Variants in ZMAT4 observed in about 807,000 individuals in gnomAD.
ZMAT4 encodes the protein zinc finger matrin-type protein 4.
Under a neutral mutation model 28.7 loss-of-function variants are expected in ZMAT4, and 17 were observed. The ratio of observed to expected loss-of-function variants is 0.59; its 90% CI spans 0.41 to 0.89. The LOEUF is 0.89. Among genes scored for constraint, ZMAT4 ranks in the 40% least tolerant of loss-of-function variants. The pLI is 0.00. For missense variants in ZMAT4, 240 were observed against 283.8 expected, an observed-to-expected ratio of 0.85 and a Z score of 1.11; for synonymous variants, 117 against 109.2, an observed-to-expected ratio of 1.07 and a Z score of -0.44.
intron 3 of ZMAT4, among the ~76,000 whole-genome samples, chr8:40,744,932 C>A (rs1172491598): frequency 1.3e-5 from 2 of 152,150 alleles, no homozygotes; most frequent in East Asian, 3.9e-4. Context: ...GAGGATGGGC[C>A]CAAGTTCAGA....
intron 1 of ZMAT4, among the ~76,000 whole-genome samples, chr8:40,841,132 C>T (rs1446330641): frequency 1.3e-5 from 2 of 152,182 alleles, no homozygotes; most frequent in Admixed American, 6.5e-5. Context: ...CAACGTCATT[C>T]GATCTGCAGC....
chr8:40,565,213 A>G (rs747777997), intron 6 of ZMAT4, among the ~76,000 whole-genome samples: 11 of 152,116 alleles, frequency 7.2e-5, no homozygotes, highest in Non-Finnish European at 1.5e-4. Flanking sequence ...AGGTGTTACA[A>G]AATTCAAATC....
Position 40,778,292 on chromosome 8 carries a change from A to C in ZMAT4, c.103-10562T>G, listed in dbSNP as rs574166868. Among the ~76,000 whole-genome samples, 66 of 152,354 alleles carry C rather than the reference A, an allele frequency of 4.3e-4. 3 individuals carry two copies. Among genetic ancestry groups the C allele is most frequent in the South Asian group, 3.3e-3 (16 of 4,824 alleles). On this transcript the variant is annotated intron_variant, in intron 2 of 6. Transcript: ENST00000297737. ...ATTATTTTCAAAAAATACTTCTAGG[A>C]ATACATAACATTTATAACCTGAAAA...
intron 5 of ZMAT4, among the ~76,000 whole-genome samples, chr8:40,591,188 T>C (rs1203907836): frequency 6.6e-6 from 1 of 152,156 alleles, no homozygotes; most frequent in East Asian, 1.9e-4. Flanking sequence ...AGGTGGCGTC[T>C]AAAACCGCAG....
At chr8:40,745,269 G>A (rs1812169851) in intron 3 of ZMAT4, among the ~76,000 whole-genome samples, 1 of 152,182 alleles carries the variant, frequency 6.6e-6, no homozygotes, top group African/African-American at 2.4e-5. Flanking sequence ...TGGAGAGAAA[G>A]GAAAGATAAG....
intron 1 of ZMAT4, among the ~76,000 whole-genome samples, chr8:40,853,554 T>C (rs902902842): frequency 2.6e-5 from 4 of 152,174 alleles, no homozygotes; most frequent in Non-Finnish European, 5.9e-5. Context: ...AGACTCCGTC[T>C]CAAAAAAATA....
chr8:40,854,076 A>G (rs1417460906), intron 1 of ZMAT4, among the ~76,000 whole-genome samples: 1 of 152,154 alleles, frequency 6.6e-6, no homozygotes, highest in African/African-American at 2.4e-5. Flanking sequence ...GTCTCTTTTT[A>G]ACAAACAGAT....
intron 5 of ZMAT4, among the ~76,000 whole-genome samples, chr8:40,655,131 A>G (rs1398400454): frequency 6.6e-6 from 1 of 151,806 alleles, no homozygotes; most frequent in African/African-American, 2.4e-5. Flanking sequence ...AGGTTGCAAG[A>G]TACAAGATTT....
At chr8:40,832,111 C>T (rs992337235) in intron 1 of ZMAT4, among the ~76,000 whole-genome samples, 22 of 152,156 alleles carry the variant, frequency 1.4e-4, no homozygotes, top group Admixed American at 9.2e-4. Context: ...GGCCTCTGTC[C>T]TCAGCACTGG....
chr8:40,653,594 A>G (rs1035342045), intron 5 of ZMAT4, among the ~76,000 whole-genome samples: 1 of 152,120 alleles, frequency 6.6e-6, no homozygotes, highest in Non-Finnish European at 1.5e-5. Flanking sequence ...CTTACTAATG[A>G]TCTTACAGAA....
intron 6 of ZMAT4, among the ~76,000 whole-genome samples, chr8:40,572,814 A>G (rs1488231654): frequency 6.6e-6 from 1 of 152,184 alleles, no homozygotes; most frequent in East Asian, 1.9e-4. Flanking sequence ...TATGCTGTTT[A>G]CAGCTTTTGC....
At chr8:40,615,089 T>C (rs7831229) in intron 5 of ZMAT4, among the ~76,000 whole-genome samples, 20,612 of 151,990 alleles carry the variant, frequency 0.14, 1,894 homozygotes, top group African/African-American at 0.27. Context: ...ATGTTTAGTG[T>C]TTCCTTCAGG....
intron 1 of ZMAT4, among the ~76,000 whole-genome samples, chr8:40,864,145 T>A (rs1002165806): frequency 6.6e-6 from 1 of 152,216 alleles, no homozygotes; most frequent in Non-Finnish European, 1.5e-5. Context: ...CAGAGGTGGG[T>A]GTTCCCGGGT....
chr8:40,821,771 T>G (rs1291074041), intron 2 of ZMAT4, among the ~76,000 whole-genome samples: 2 of 152,226 alleles, frequency 1.3e-5, no homozygotes, highest in African/African-American at 4.8e-5. Context: ...TATAGAGTTA[T>G]GCTGCCAAAT....
At chr8:40,707,510 G>C (rs1379483521) in intron 3 of ZMAT4, among the ~76,000 whole-genome samples, 1 of 151,972 alleles carries the variant, frequency 6.6e-6, no homozygotes, top group Non-Finnish European at 1.5e-5. Context: ...TTCATAAAAA[G>C]ATAAAAGAAT....
At chr8:40,743,662 C>T (rs1225809723) in intron 3 of ZMAT4, among the ~76,000 whole-genome samples, 1 of 152,296 alleles carries the variant, frequency 6.6e-6, no homozygotes, top group South Asian at 2.1e-4. Context: ...CCTGGGTACA[C>T]AGGACACACA....
chr8:40,674,834 G>C lies in ZMAT4; in HGVS notation c.447C>G (p.Leu149=), dbSNP rs750369525. The C allele has an allele frequency of 9.9e-6, 16 of 1,613,904 alleles. No individual in the cohort carries two copies. The highest frequency in any genetic ancestry group is 1.4e-5 in the Non-Finnish European group (16 of 1,179,926). Reference sequence around the variant, plus strand: ...GAGGGTTATTAAACCAGGCTGCACAGAGCCCACAGTATCTGTCTGAATCTC... The same window carrying C: ...GAGGGTTATTAAACCAGGCTGCACACAGCCCACAGTATCTGTCTGAATCTC... ...QRRDSDRYCG[L]CAAWFNNPLM... The change falls in exon 5 of 7, where the codon CTC becomes CTG. Residue 149 remains leucine, a synonymous_variant. Coordinates refer to ENST00000297737, the MANE Select transcript of ZMAT4 (RefSeq NM_024645.3).
intron 4 of ZMAT4, among the ~76,000 whole-genome samples, chr8:40,678,398 C>T (rs1808998537): frequency 1.3e-5 from 2 of 152,236 alleles, no homozygotes; most frequent in East Asian, 3.9e-4. Flanking sequence ...CATGAAGAAA[C>T]TCAAGAGAAC....
At chr8:40,847,108 G>A (rs1816930054) in intron 1 of ZMAT4, among the ~76,000 whole-genome samples, 1 of 151,860 alleles carries the variant, frequency 6.6e-6, no homozygotes, top group African/African-American at 2.4e-5. Flanking sequence ...AGGAGGCTAG[G>A]CAGGAGAATC....
Sources: gnomAD v4.1 joint callset for allele counts (sites outside exome capture counted in the v4.1 genomes callset) on GRCh38, gnomAD v4.1.1 for gene constraint, MANE v1.5 for transcripts, NCBI Gene and HGNC (gene_info 2026-07-23, HGNC 2026-07-21) for gene names.